The following PACS2 variants were observed in gnomAD, a reference collection of about 807,000 sequenced individuals.
PACS2 encodes the protein PACS1-like protein.
Under a neutral mutation model 113.0 loss-of-function variants are expected in PACS2, and 36 were observed. That is an observed-to-expected ratio of 0.32 (90% CI 0.24 to 0.42). The LOEUF is 0.42. Ranked by LOEUF, PACS2 falls within the 10% of genes least tolerant of loss-of-function variation. PACS2 has a pLI of 1.00. For missense variants in PACS2, 1,015 were observed against 1,239.5 expected, an observed-to-expected ratio of 0.82 and a Z score of 2.72; for synonymous variants, 589 against 536.1, an observed-to-expected ratio of 1.10 and a Z score of -1.36.
At position 105,381,019 on chromosome 14, in the gene PACS2, C is replaced by T. The variant is rs782609794; in HGVS notation, c.1188C>T (p.Ser396=). Residue 396 remains serine (S), a synonymous_variant, in exon 12 of 25, where the codon TCC becomes TCT. Transcript: ENST00000447393. ...QPEDSPEAEA[S]TLDVFTERLP... is the part of the protein sequence containing the mutation. ...AGGACAGCCCCGAGGCTGAGGCCTC[C>T]ACCCTGGATGTGTTCACGGAGAGGC... 6.2e-7 allele frequency: 1 copy of T among 1,612,478 alleles called. No homozygotes were observed. The highest frequency in any genetic ancestry group is 8.5e-7 in the Non-Finnish European group (1 of 1,179,646).
At chr14:105,374,804 TA>T (rs1443623216) in intron 8 of PACS2, 1 of 152,208 alleles carries the variant, frequency 6.6e-6, no homozygotes, top group Non-Finnish European at 1.5e-5. Context: ...TGAGAATCAC[TA>T]AGAGAAACAC....
rs782052957 is a variant in PACS2 at position 105,368,526 on chromosome 14, C to T, written c.728C>T (p.Thr243Met). ...CAGCGGAGATCGATTGTAAGAACGA[C>T]GTCCATGACCAGGGTTGGTGGAGAC... ...KKQRRSIVRT[T>M]SMTRQQNFKQ... Residue 243 changes from threonine (T) to methionine (M), a missense_variant, in exon 7 of 25, where the codon ACG becomes ATG. By Grantham distance (81) the Thr-to-Met change is moderately conservative. Around this residue, in one of 3 missense-constraint regions of PACS2, gnomAD observed 859 missense variants for 1,056.8 expected, o/e 0.81. Coordinates refer to ENST00000447393, the MANE Select transcript of PACS2 (RefSeq NM_001100913.3). 1.2e-6 allele frequency: 2 copies of T among 1,613,366 alleles called. No individual in the cohort carries two copies. The highest frequency in any genetic ancestry group is 1.1e-5 in the South Asian group (1 of 91,086).
rs1364822962 is a variant in PACS2, at chr14:105,308,451, CAG to C, written c.-83+7473_-83+7474del. ...GAGCTGAGATGGCACCATTGTACTCCAGCCTGGGCACGACAGAGGCAGATTCT... is the reference window on the plus strand; with the variant it reads ...GAGCTGAGATGGCACCATTGTACTCCCCTGGGCACGACAGAGGCAGATTCT... On this transcript the variant is annotated intron_variant, in intron 1 of 23. Coordinates refer to the PACS2 transcript ENST00000430725. Among the ~76,000 whole-genome samples the C allele has an allele frequency of 2.2e-4, 33 of 150,944 alleles. 1 individual carries two copies. Among genetic ancestry groups the C allele is most frequent in the Admixed American group, 1.5e-3 (23 of 15,180 alleles).
intron 1 of PACS2, among the ~76,000 whole-genome samples, chr14:105,322,730 T>A (rs2058947619): frequency 6.6e-6 from 1 of 152,242 alleles, no homozygotes; most frequent in Admixed American, 6.5e-5. Context: ...CCACAAGATG[T>A]TGTTACTGCT....
At chr14:105,383,682 G>T in intron 16 of PACS2, 169 bp downstream of exon 16, 1 of 594,630 alleles carries the variant, frequency 1.7e-6, no homozygotes, top group Non-Finnish European at 2.9e-6. Flanking sequence ...CTACACATTT[G>T]TTGTTTTTAA....
chr14:105,350,428 A>T (rs1418919513), intron 2 of PACS2, among the ~76,000 whole-genome samples: 1 of 151,798 alleles, frequency 6.6e-6, no homozygotes, highest in Non-Finnish European at 1.5e-5. Context: ...GTCCTGCCCC[A>T]GCCTGTGTCT....
At chr14:105,302,468 G>C (rs1243928054) in intron 1 of PACS2, among the ~76,000 whole-genome samples, 1 of 152,096 alleles carries the variant, frequency 6.6e-6, no homozygotes, top group Non-Finnish European at 1.5e-5. Context: ...CTCCCAAAGT[G>C]CTGGGATTAC....
In PACS2 at chr14:105,356,715, G is replaced by T. The variant is rs1325691271; in HGVS notation, c.423+1538G>T. ...GGTCCCTGTGTTTCCCATTAGCCAT[G>T]CAGGCGAGGTCCTGCTGATCCCTGC... On this transcript the variant is annotated intron_variant, in intron 4 of 24. Coordinates refer to ENST00000447393, the MANE Select transcript of PACS2 (RefSeq NM_001100913.3). The surrounding 1 kb of genome is among the most constrained non-coding windows in gnomAD (Gnocchi z 4.0). Among the ~76,000 whole-genome samples the T allele has an allele frequency of 4.1e-5, 6 of 146,966 alleles. No individual in the cohort carries two copies. Among genetic ancestry groups the T allele is most frequent in the South Asian group, 2.3e-4 (1 of 4,440 alleles).
intron 4 of PACS2, among the ~76,000 whole-genome samples, chr14:105,363,736 G>T (rs1175227158): frequency 1.3e-5 from 2 of 152,120 alleles, no homozygotes; most frequent in African/African-American, 2.4e-5. Context: ...TCACTGCTTG[G>T]TGATTTAGTA....
upstream of PACS2, among the ~76,000 whole-genome samples, chr14:105,313,652 G>T (rs986600473): frequency 6.6e-6 from 1 of 152,276 alleles, no homozygotes; most frequent in Non-Finnish European, 1.5e-5. Flanking sequence ...GGCCAGGAAA[G>T]AAACCAGCTC....
rs1287735483 is a variant in PACS2 at position 105,323,944 on chromosome 14, A to G, written c.119+8907A>G. On this transcript the variant is annotated intron_variant, in intron 1 of 24. Transcript: ENST00000447393. This position sits in a 1 kb window ranked among gnomAD's most constrained non-coding sequence, Gnocchi z 4.1. ...TGCGTGCACACCGCTCTGTCCGCGC[A>G]GGCTGTGCCCTGCTTTCAAGATGCC... Among the ~76,000 whole-genome samples the G allele has an allele frequency of 6.6e-6, 1 of 152,236 alleles. No individual in the cohort carries two copies. The highest frequency in any genetic ancestry group is 1.5e-5 in the Non-Finnish European group (1 of 68,034).
chr14:105,349,259 T>C (rs1186649833), intron 2 of PACS2, among the ~76,000 whole-genome samples: 2 of 152,212 alleles, frequency 1.3e-5, no homozygotes, highest in African/African-American at 4.8e-5. Flanking sequence ...GTGTGGCCTG[T>C]ATAGGGCCAC....
intron 1 of PACS2, among the ~76,000 whole-genome samples, chr14:105,332,715 G>A (rs587646342): frequency 6.6e-6 from 1 of 152,298 alleles, no homozygotes; most frequent in South Asian, 2.1e-4. Flanking sequence ...TGGAGCCCAG[G>A]AGGTGGATTC....
Position 105,324,170 on chromosome 14 carries a change from G to C in PACS2, c.119+9133G>C, listed in dbSNP as rs1290675534. On this transcript the variant is annotated intron_variant, in intron 1 of 24. Coordinates refer to ENST00000447393, the MANE Select transcript of PACS2 (RefSeq NM_001100913.3). The surrounding 1 kb of genome is among the most constrained non-coding windows in gnomAD (Gnocchi z 4.7). ...CCCAGCATTCTCAGCATGCGTCTCA[G>C]GAAGGTTTGATGGAGTGGGCAGCTG... is the stretch of plus-strand genomic sequence containing the variant. Among the ~76,000 whole-genome samples the C allele has an allele frequency of 6.6e-6, 1 of 152,232 alleles. No homozygotes were observed. The highest frequency in any genetic ancestry group is 1.5e-5 in the Non-Finnish European group (1 of 68,042).
chr14:105,393,253 G>C lies in PACS2; in HGVS notation c.2514G>C (p.Lys838Asn). ...TTCTGCCCAAGAAAGCGAAGGACAA[G>C]GACGTGGAGTCTAAGAGCCAGTGCA... ...VMFLPKKAKDKDVESKSQCIE... is the reference protein window; with the variant it reads ...VMFLPKKAKDNDVESKSQCIE... The change falls in exon 24 of 25, where the codon AAG becomes AAC. Residue 838 changes from lysine to asparagine, a missense_variant. By Grantham distance (94) the Lys-to-Asn change is moderately conservative. Around this residue, in one of 3 missense-constraint regions of PACS2, gnomAD observed 859 missense variants for 1,056.8 expected, o/e 0.81. Coordinates refer to ENST00000447393, the MANE Select transcript of PACS2 (RefSeq NM_001100913.3). 6.2e-7 allele frequency: 1 copy of C among 1,612,914 alleles called. No homozygotes were observed. Among genetic ancestry groups the C allele is most frequent in the Non-Finnish European group, 8.5e-7 (1 of 1,179,908 alleles).
At chr14:105,368,257 C>T (rs1199434780) in intron 6 of PACS2, 110 bp downstream of exon 6, 13 of 875,212 alleles carry the variant, frequency 1.5e-5, no homozygotes, top group Non-Finnish European at 2.2e-5. Context: ...GGGTGAGCCA[C>T]GGGCCTGGCC....
chr14:105,369,627 C>T (rs1406223600), intron 7 of PACS2, among the ~76,000 whole-genome samples: 5 of 152,064 alleles, frequency 3.3e-5, no homozygotes, highest in Admixed American at 1.3e-4. Context: ...CACACGCCTC[C>T]CCGGGTCCCC....
intron 20 of PACS2, chr14:105,390,291 C>T: frequency 2.1e-6 from 1 of 479,218 alleles, no homozygotes. Flanking sequence ...GAGGCTTGGC[C>T]CCACGTCTCA....
chr14:105,332,277 C>T (rs116453972), intron 1 of PACS2, among the ~76,000 whole-genome samples: 2,298 of 152,326 alleles, frequency 0.015, 60 homozygotes, highest in African/African-American at 0.05. Flanking sequence ...CAGCCCCTCA[C>T]TGGCGCTGGG....
Sources: gnomAD v4.1 joint callset for allele counts (sites outside exome capture counted in the v4.1 genomes callset) on GRCh38, gnomAD v4.1.1 for gene constraint, gnomAD v4.1.1 regional missense constraint, Gnocchi (gnomAD v3.1) non-coding constraint, MANE v1.5 for transcripts, NCBI Gene and HGNC (gene_info 2026-07-23, HGNC 2026-07-21) for gene names.